Variants in GPX6 observed in about 807,000 individuals in gnomAD.
The protein encoded by GPX6 is glutathione peroxidase 6 (olfactory).
A neutral mutation model predicts 20.0 loss-of-function variants in GPX6; 21 were observed. The observed-to-expected ratio is 1.05, with a 90% confidence interval of 0.74 to 1.51. The LOEUF is 1.51. GPX6 is among the 40% of genes most tolerant of loss of function. The pLI is 0.00. For synonymous variants in GPX6, 75 were observed against 98.0 expected, an observed-to-expected ratio of 0.77 and a Z score of 1.38; for missense variants, 233 against 254.7, an observed-to-expected ratio of 0.91 and a Z score of 0.58.
At chr6:28,513,561 TGTG>T (rs891922953) in intron 1 of GPX6, among the ~76,000 whole-genome samples, 2 of 152,152 alleles carry the variant, frequency 1.3e-5, no homozygotes, top group African/African-American at 4.8e-5. Flanking sequence ...TTCTTTATAT[TGTG>T]GTGAAACAGC....
At chr6:28,509,970 A>T (rs1762844868) in intron 2 of GPX6, among the ~76,000 whole-genome samples, 2 of 152,332 alleles carry the variant, frequency 1.3e-5, no homozygotes, top group South Asian at 2.1e-4. Context: ...TCCTGTTTTT[A>T]TCAGAAGTAA....
At chr6:28,504,949 G>A (rs188734443) in intron 4 of GPX6, among the ~76,000 whole-genome samples, 12 of 152,176 alleles carry the variant, frequency 7.9e-5, no homozygotes, top group East Asian at 1.9e-4. Context: ...GGATATTAAC[G>A]TAGAATCACT....
At chr6:28,509,714 A>T (rs948630619) in intron 2 of GPX6, among the ~76,000 whole-genome samples, 1 of 152,218 alleles carries the variant, frequency 6.6e-6, no homozygotes, top group Non-Finnish European at 1.5e-5. Context: ...CCTTTTCTGG[A>T]CCAACAGTAA....
In GPX6 at chr6:28,515,648, C is replaced by A. The variant is rs1292988763; in HGVS notation, c.87+9G>T. On this transcript the variant is annotated intron_variant, in intron 1 of 4. Transcript: ENST00000361902. ...TGGAATCAGCTCGGATCCCCTGCCC[C>A]ATGCTCACCTTCCTATTTTGAGGCT... 1.2e-6 allele frequency: 2 copies of A among 1,611,692 alleles called. No homozygotes were observed. Among genetic ancestry groups the A allele is most frequent in the Non-Finnish European group, 1.7e-6 (2 of 1,177,868 alleles).
intron 2 of GPX6, 101 bp downstream of exon 2, chr6:28,510,650 C>T: frequency 4.3e-6 from 5 of 1,160,448 alleles, no homozygotes; most frequent in Non-Finnish European, 6.2e-6. Context: ...GATCAGTTCT[C>T]CCATCGCATC....
Position 28,504,111 on chromosome 6 carries a change from C to G in GPX6, c.*181G>C. 1 of 611,890 alleles carries G rather than the reference C, an allele frequency of 1.6e-6. No individual in the cohort carries two copies. Among genetic ancestry groups the G allele is most frequent in the Non-Finnish European group, 2.9e-6 (1 of 342,878 alleles). 37.9% of individuals were successfully genotyped at this position (611,890 alleles called of 1,614,324 possible). A position where few individuals can be genotyped will look rare whatever the true frequency, so the allele number is the denominator to read the frequency against. Reference sequence around the variant, plus strand: ...TTCTACATATCCATACACACACACACACACACACACACAGCTACACACACA... The same window carrying G: ...TTCTACATATCCATACACACACACAGACACACACACACAGCTACACACACA... On this transcript the variant is annotated 3_prime_UTR_variant, in exon 5 of 5. Coordinates refer to ENST00000361902, the MANE Select transcript of GPX6 (RefSeq NM_182701.1).
chr6:28,512,212 C>T lies in GPX6; in HGVS notation c.88-1308G>A, dbSNP rs980947825. On this transcript the variant is annotated intron_variant, in intron 1 of 4. Transcript: ENST00000361902. ...ACTGGCAGGCAGCTCGGCCTGCGGCCGTGGTGCGGCATCCACTGGCTGAAG... is the reference window on the plus strand; with the variant it reads ...ACTGGCAGGCAGCTCGGCCTGCGGCTGTGGTGCGGCATCCACTGGCTGAAG... Among the ~76,000 whole-genome samples the T allele has an allele frequency of 3.3e-5, 5 of 152,360 alleles. No homozygotes were observed. In the East Asian group the frequency reaches 5.8e-4, roughly 18 times the overall value.
At chr6:28,512,106 C>A (rs1467637516) in intron 1 of GPX6, among the ~76,000 whole-genome samples, 1 of 152,250 alleles carries the variant, frequency 6.6e-6, no homozygotes, top group Non-Finnish European at 1.5e-5. Flanking sequence ...CGAGCCTCCC[C>A]GACGAGCACC....
At chr6:28,515,607 G>T in intron 1 of GPX6, 50 bp downstream of exon 1, 1 of 1,417,330 alleles carries the variant, frequency 7.1e-7, no homozygotes, top group Non-Finnish European at 1.0e-6. Context: ...TGGCAGCCAG[G>T]TTGGTCATCA....
Position 28,504,050 on chromosome 6 carries a change from C to CA in GPX6, c.*241_*242insT. ...ACACACACACACACACACACACACACCATACATACACCTATGCATATACCA... is the reference window on the plus strand; with the variant it reads ...ACACACACACACACACACACACACACACATACATACACCTATGCATATACCA... On this transcript the variant is annotated 3_prime_UTR_variant, in exon 5 of 5. Coordinates refer to ENST00000361902, the MANE Select transcript of GPX6 (RefSeq NM_182701.1). The CA allele has an allele frequency of 5.9e-6, 3 of 510,106 alleles. No individual in the cohort carries two copies. Among genetic ancestry groups the CA allele is most frequent in the Non-Finnish European group, 1.0e-5 (3 of 287,982 alleles). 31.6% of individuals were successfully genotyped at this position (510,106 alleles called of 1,614,324 possible). A position where few individuals can be genotyped will look rare whatever the true frequency, so the allele number is the denominator to read the frequency against.
chr6:28,513,115 C>T (rs764963420), intron 1 of GPX6, among the ~76,000 whole-genome samples: 8 of 152,182 alleles, frequency 5.3e-5, no homozygotes, highest in African/African-American at 1.2e-4. Flanking sequence ...GAAAAACCAT[C>T]TCTCTTTTGG....
intron 1 of GPX6, among the ~76,000 whole-genome samples, chr6:28,513,842 TG>T (rs1428986848): frequency 1.3e-5 from 2 of 151,972 alleles, no homozygotes; most frequent in Non-Finnish European, 2.9e-5. Flanking sequence ...GTGGGCAGAG[TG>T]GGGCAAGAAA....
chr6:28,510,422 G>A (rs906837122), intron 2 of GPX6, among the ~76,000 whole-genome samples: 2 of 152,146 alleles, frequency 1.3e-5, no homozygotes, highest in Non-Finnish European at 2.9e-5. Flanking sequence ...TCTATAGTAA[G>A]TCCTTTCTAA....
rs142905864 is a variant in GPX6 at position 28,510,409 on chromosome 6, G to C, written c.241+342C>G. On this transcript the variant is annotated intron_variant, in intron 2 of 4. Coordinates refer to ENST00000361902, the MANE Select transcript of GPX6 (RefSeq NM_182701.1). ...CTCCAAATCACGTAACAAAAGTTCA[G>C]ATTCTATAGTAAGTCCTTTCTAATA... Among the ~76,000 whole-genome samples the C allele has an allele frequency of 2.7e-3, 405 of 152,308 alleles. 1 individual carries two copies. The highest frequency in any genetic ancestry group is 0.01 in the Middle Eastern group (3 of 294).
At chr6:28,513,872 GTC>G (rs1762974820) in intron 1 of GPX6, among the ~76,000 whole-genome samples, 3 of 152,202 alleles carry the variant, frequency 2.0e-5, no homozygotes, top group Admixed American at 2.0e-4. Flanking sequence ...CATCTTCTGA[GTC>G]TGTTACCACG....
intron 4 of GPX6, 113 bp from the exon 5 acceptor site, chr6:28,504,611 T>C (rs1762790121): frequency 3.3e-6 from 3 of 901,640 alleles, no homozygotes; most frequent in Non-Finnish European, 5.0e-6. Context: ...TTATGTATTT[T>C]AATATATTAA....
Position 28,504,395 on chromosome 6 carries a change from A to G in GPX6, c.563T>C (p.Val188Ala), listed in dbSNP as rs35701070. The G allele has an allele frequency of 9.6e-4, 1,543 of 1,614,184 alleles. 11 individuals are homozygous for G. In the African/African-American group the frequency reaches 0.017, roughly 18 times the overall value. ...DIRWNFEKFLVGPDGVPVMHW... is the reference protein window; with the variant it reads ...DIRWNFEKFLAGPDGVPVMHW... The stretch of plus-strand genomic sequence containing the variant: ...CATGACAGGGACTCCATCGGGCCCC[A>G]CCAGAAATTTCTCAAAGTTCCAGCG... Residue 188 changes from valine to alanine, a missense_variant, in exon 5 of 5, where the codon GTG becomes GCG. Transcript: ENST00000361902.
intron 1 of GPX6, among the ~76,000 whole-genome samples, chr6:28,512,698 G>A (rs1370343063): frequency 1.3e-5 from 2 of 152,042 alleles, no homozygotes; most frequent in Non-Finnish European, 2.9e-5. Context: ...AAGTCTTGCT[G>A]CTGCTCATTC....
intron 1 of GPX6, among the ~76,000 whole-genome samples, chr6:28,513,468 C>A (rs1313984173): frequency 1.3e-5 from 2 of 152,184 alleles, no homozygotes; most frequent in Non-Finnish European, 2.9e-5. Flanking sequence ...GCGAGCCACA[C>A]GCCCCGTCGC....
Sources: allele counts gnomAD v4.1 joint callset (sites outside exome capture counted in the v4.1 genomes callset), GRCh38; gene constraint gnomAD v4.1.1; transcripts MANE v1.5; gene names NCBI Gene and HGNC (gene_info 2026-07-23, HGNC 2026-07-21).